BPI: variants seen among roughly 807,000 people sequenced by gnomAD.
The protein encoded by BPI is bactericidal permeability-increasing protein.
Under a neutral mutation model 57.6 loss-of-function variants are expected in BPI, and 48 were observed. The observed-to-expected ratio is 0.83, with a 90% CI of 0.66 to 1.06. The LOEUF is 1.06. Among genes scored for constraint, BPI ranks in the 50% least tolerant of loss-of-function variants. The pLI is 0.00. For synonymous variants in BPI, 237 were observed against 238.2 expected, an observed-to-expected ratio of 0.99 and a Z score of 0.05; for missense variants, 651 against 609.7, an observed-to-expected ratio of 1.07 and a Z score of -0.71.
In BPI at chr20:38,310,661, TCCCGGGAC is replaced by T; in HGVS notation, c.536+10_536+17del. ...TCAAAGAGCAAAGTGGGGTATGGACTCCCGGGACTGTGGCTGGGAGGAGGGACTTAAAG... is the reference window on the plus strand; with the variant it reads ...TCAAAGAGCAAAGTGGGGTATGGACTTGTGGCTGGGAGGAGGGACTTAAAG... On this transcript the variant is annotated intron_variant, in intron 4 of 14. Coordinates refer to ENST00000642449, the MANE Select transcript of BPI (RefSeq NM_001725.3). 6.2e-7 allele frequency: 1 copy of T among 1,602,914 alleles called. No homozygotes were observed. The highest frequency in any genetic ancestry group is 8.5e-7 in the Non-Finnish European group (1 of 1,171,286).
chr20:38,313,997 T>G (rs1165111549), intron 5 of BPI, among the ~76,000 whole-genome samples: 1 of 150,362 alleles, frequency 6.7e-6, no homozygotes, highest in East Asian at 2.0e-4. Flanking sequence ...ATTATGTGGT[T>G]GATGATGGTG....
At chr20:38,328,539 G>A (rs751352749) in intron 11 of BPI, among the ~76,000 whole-genome samples, 14 of 151,952 alleles carry the variant, frequency 9.2e-5, no homozygotes, top group Non-Finnish European at 2.9e-5. Context: ...GACAGAGTGA[G>A]ACTCTGTCTC....
chr20:38,307,491 T>C, intron 1 of BPI, 76 bp from the exon 2 acceptor site: 1 of 1,072,384 alleles, frequency 9.3e-7, no homozygotes, highest in Non-Finnish European at 1.3e-6. Context: ...GGGCCCAGGG[T>C]CCAGAGCCTG....
chr20:38,335,675 G>T lies in BPI; in HGVS notation c.1413+1G>T, dbSNP rs377618515. On this transcript the variant is annotated splice_donor_variant, in intron 14 of 14. Transcript: ENST00000642449. LOFTEE classifies it high-confidence loss of function. ...CAACGTAGTGCTTCAGCCTCACCAG[G>T]TGAGTCCCGGAGTCTTTTCCACAAA... 39 of 1,613,876 alleles carry T rather than the reference G, an allele frequency of 2.4e-5. No homozygotes were observed. The highest frequency in any genetic ancestry group is 3.3e-5 in the Non-Finnish European group (39 of 1,179,866).
intron 5 of BPI, among the ~76,000 whole-genome samples, chr20:38,313,925 T>C (rs977331635): frequency 6.6e-6 from 1 of 151,402 alleles, no homozygotes; most frequent in African/African-American, 2.4e-5. Flanking sequence ...ATAATGATGA[T>C]GGCGATGATG....
chr20:38,324,093 A>C, intron 8 of BPI, 47 bp downstream of exon 8: 3 of 1,591,850 alleles, frequency 1.9e-6, no homozygotes, highest in Non-Finnish European at 2.6e-6. Context: ...TGGACCCAGA[A>C]TCCTGCAGAC....
Position 38,307,692 on chromosome 20 carries a change from T to C in BPI, c.245+11T>C, listed in dbSNP as rs200472242. 6.3e-7 allele frequency: 1 copy of C among 1,595,222 alleles called. No homozygotes were observed. Among genetic ancestry groups the C allele is most frequent in the Non-Finnish European group, 8.6e-7 (1 of 1,165,052 alleles). On this transcript the variant is annotated intron_variant, in intron 2 of 14. Transcript: ENST00000642449. ...TTATAGCTTCTACAGGTGAGGCCTA[T>C]CAGAGCTCAATCCTCGATTTGCAGG...
chr20:38,306,796 G>C (rs149329892), intron 1 of BPI, among the ~76,000 whole-genome samples: 1 of 152,130 alleles, frequency 6.6e-6, no homozygotes, highest in Non-Finnish European at 1.5e-5. Flanking sequence ...TTTCAGGGGT[G>C]ATATTTTAGA....
chr20:38,310,742 C>T (rs546526229), intron 4 of BPI, 90 bp downstream of exon 4: 2 of 1,503,386 alleles, frequency 1.3e-6, no homozygotes, highest in East Asian at 2.3e-5. Flanking sequence ...ATCCAGAGTG[C>T]CACCTGCATG....
chr20:38,323,915 C>G lies in BPI; in HGVS notation c.802C>G (p.Pro268Ala). ...CCACCACAATCCACCTCCCTTTGCTCCACCAGTGATGGAGTTTCCCGCTGC... is the reference window on the plus strand; with the variant it reads ...CCACCACAATCCACCTCCCTTTGCTGCACCAGTGATGGAGTTTCCCGCTGC... Reference protein sequence around the residue: ...ENHHNPPPFAPPVMEFPAAHD... With the variant: ...ENHHNPPPFAAPVMEFPAAHD... Residue 268 changes from proline to alanine, a missense_variant, in exon 8 of 15, where the codon CCA becomes GCA. Coordinates refer to ENST00000642449, the MANE Select transcript of BPI (RefSeq NM_001725.3). The G allele has an allele frequency of 6.2e-7, 1 of 1,614,192 alleles. No individual in the cohort carries two copies. The highest frequency in any genetic ancestry group is 1.1e-5 in the South Asian group (1 of 91,076).
rs748844520 is a variant in BPI at position 38,318,487 on chromosome 20, G to A, written c.664+11G>A. Reference sequence around the variant, plus strand: ...TCCAGACTCTGCCAGGTGAGGGCTGGATGAAGATCAAGGATAGAAAGGAAC... The same window carrying A: ...TCCAGACTCTGCCAGGTGAGGGCTGAATGAAGATCAAGGATAGAAAGGAAC... On this transcript the variant is annotated intron_variant, in intron 6 of 14. Transcript: ENST00000642449. The A allele has an allele frequency of 1.2e-6, 2 of 1,610,564 alleles. No individual in the cohort carries two copies.
chr20:38,332,468 T>C (rs534928697), intron 12 of BPI, among the ~76,000 whole-genome samples: 2 of 152,268 alleles, frequency 1.3e-5, no homozygotes, highest in East Asian at 3.9e-4. Flanking sequence ...TTTTATAAAG[T>C]GCATTTAAAT....
chr20:38,328,946 C>T (rs2076728181), intron 11 of BPI, among the ~76,000 whole-genome samples: 1 of 152,038 alleles, frequency 6.6e-6, no homozygotes, highest in African/African-American at 2.4e-5. Flanking sequence ...GTCAAGGCTG[C>T]AGTGAGCCAT....
chr20:38,320,717 CCTCA>C lies in BPI; in HGVS notation c.756+446_756+449del, dbSNP rs149312093. On this transcript the variant is annotated intron_variant, in intron 7 of 14. Transcript: ENST00000642449. ...ACACACAGAGTCTCTAGTCTGTCTC[CCTCA>C]CTATGATGAGGGAGAAGGGGCTGCG... 1.2e-4 allele frequency among the ~76,000 whole-genome samples: 18 copies of C among 148,410 alleles called. No individual in the cohort carries two copies. The East Asian group carries it at 3.6e-3, about 30-fold the overall frequency.
intron 12 of BPI, 108 bp downstream of exon 12, chr20:38,331,198 A>G (rs1212607743): frequency 2.2e-6 from 3 of 1,351,190 alleles, no homozygotes; most frequent in Non-Finnish European, 3.1e-6. Flanking sequence ...GCTCATTTGC[A>G]TTTAATTTGG....
chr20:38,313,862 G>A (rs975503381), intron 5 of BPI, among the ~76,000 whole-genome samples: 1 of 149,098 alleles, frequency 6.7e-6, no homozygotes, highest in African/African-American at 2.5e-5. Context: ...GGTGAGGTTG[G>A]TGATGGTAAT....
In BPI at chr20:38,328,071, C is replaced by T. The variant is rs1600711524; in HGVS notation, c.1229+416C>T. On this transcript the variant is annotated intron_variant, in intron 11 of 14. Coordinates refer to ENST00000642449, the MANE Select transcript of BPI (RefSeq NM_001725.3). ...GATCCCGCTTCAACTTCTTCTCACC[C>T]CATCCTTGGGACTTTAACCACCATC... Among the ~76,000 whole-genome samples the T allele has an allele frequency of 2.6e-5, 4 of 152,288 alleles. No homozygotes were observed. In the Middle Eastern group the frequency reaches 0.014, roughly 518 times the overall value.
At chr20:38,330,962 C>G in intron 11 of BPI, 86 bp from the exon 12 acceptor site, 3 of 1,480,244 alleles carry the variant, frequency 2.0e-6, no homozygotes, top group Non-Finnish European at 2.8e-6. Flanking sequence ...CAGTATCCAC[C>G]AGAGTGGGTC....
rs980192085 is a variant in BPI, at chr20:38,327,614, C to T, written c.1188C>T (p.Ser396=). Residue 396 remains serine (S), a synonymous_variant, in exon 11 of 15, where the codon AGC becomes AGT. Transcript: ENST00000642449. The stretch of plus-strand genomic sequence containing the variant: ...ACACAACTGGTTCCATGGAGGTCAG[C>T]GCCGAGTCCAACAGGCTTGTTGGAG... ...GMHTTGSMEV[S]AESNRLVGEL... 1.9e-5 allele frequency: 30 copies of T among 1,613,384 alleles called. No individual in the cohort carries two copies. The highest frequency in any genetic ancestry group is 1.6e-4 in the East Asian group (7 of 44,868).
Sources: allele counts gnomAD v4.1 joint callset (sites outside exome capture counted in the v4.1 genomes callset), GRCh38; gene constraint gnomAD v4.1.1; transcripts MANE v1.5; gene names NCBI Gene and HGNC (gene_info 2026-07-23, HGNC 2026-07-21).